The following EFNA5 variants were observed in gnomAD, a reference collection of about 807,000 sequenced individuals.
EFNA5 encodes the protein ephrin A5.
A neutral mutation model predicts 22.9 loss-of-function variants in EFNA5; 5 were observed. That is an observed-to-expected ratio of 0.22 (90% CI 0.11 to 0.46). EFNA5 has a LOEUF of 0.46. Among genes scored for constraint, EFNA5 ranks in the 20% least tolerant of loss-of-function variants. The pLI is 0.99. For missense variants in EFNA5, 237 were observed against 293.3 expected, an observed-to-expected ratio of 0.81 and a Z score of 1.40; for synonymous variants, 113 against 112.2, an observed-to-expected ratio of 1.01 and a Z score of -0.04.
intron 1 of EFNA5, among the ~76,000 whole-genome samples, chr5:107,464,462 C>T (rs1469878609): frequency 6.6e-6 from 1 of 152,092 alleles, no homozygotes; most frequent in Non-Finnish European, 1.5e-5. Flanking sequence ...TTGTGTACAT[C>T]CTCGGGGAGC....
chr5:107,462,723 C>A (rs993037903), intron 1 of EFNA5, among the ~76,000 whole-genome samples: 1 of 152,144 alleles, frequency 6.6e-6, no homozygotes, highest in African/African-American at 2.4e-5. Flanking sequence ...AATGCCTGTT[C>A]CCCAAGATGG....
intron 1 of EFNA5, among the ~76,000 whole-genome samples, chr5:107,485,530 T>C (rs142866216): frequency 6.6e-6 from 1 of 152,324 alleles, no homozygotes; most frequent in East Asian, 1.9e-4. Context: ...GAATTGGTCC[T>C]TGAGAAAGAG....
chr5:107,628,992 G>C (rs145347666), intron 1 of EFNA5, among the ~76,000 whole-genome samples: 389 of 152,010 alleles, frequency 2.6e-3, no homozygotes, highest in Non-Finnish European at 4.8e-3. Flanking sequence ...TAGTTTCTTC[G>C]GCATCCTAAG....
intron 1 of EFNA5, among the ~76,000 whole-genome samples, chr5:107,465,133 G>A (rs1347836643): frequency 6.6e-6 from 1 of 151,386 alleles, no homozygotes; most frequent in Non-Finnish European, 1.5e-5. Context: ...TAGGCCAATG[G>A]TTACCAACAG....
At chr5:107,457,273 A>T (rs986331581) in intron 1 of EFNA5, among the ~76,000 whole-genome samples, 4 of 152,128 alleles carry the variant, frequency 2.6e-5, no homozygotes, top group Non-Finnish European at 5.9e-5. Flanking sequence ...AGTTCGTGTT[A>T]ATACTGCACT....
intron 1 of EFNA5, among the ~76,000 whole-genome samples, chr5:107,524,268 A>T (rs1203775570): frequency 2.0e-5 from 3 of 152,212 alleles, no homozygotes; most frequent in African/African-American, 7.2e-5. Context: ...ACTGGAAGTA[A>T]CATAAAGCCA....
At chr5:107,647,290 A>T (rs912249491) in intron 1 of EFNA5, among the ~76,000 whole-genome samples, 1 of 152,156 alleles carries the variant, frequency 6.6e-6, no homozygotes, top group Admixed American at 6.6e-5. Context: ...CACTTTCTTC[A>T]GCATCTCACA....
chr5:107,549,485 C>T (rs1045609681), intron 1 of EFNA5, among the ~76,000 whole-genome samples: 4 of 152,192 alleles, frequency 2.6e-5, no homozygotes, highest in African/African-American at 9.7e-5. Context: ...TGTTAGTCCC[C>T]TCGAACAGAC....
chr5:107,494,228 G>C (rs1321325507), intron 1 of EFNA5, among the ~76,000 whole-genome samples: 2 of 152,154 alleles, frequency 1.3e-5, no homozygotes, highest in Non-Finnish European at 2.9e-5. Context: ...CGCTCCCTCA[G>C]CTTGCAGGGA....
chr5:107,669,686 G>A (rs1751146228), intron 1 of EFNA5, among the ~76,000 whole-genome samples: 1 of 152,108 alleles, frequency 6.6e-6, no homozygotes, highest in South Asian at 2.1e-4. Flanking sequence ...AGGTAATCGC[G>A]CGCGTTCCTC....
At chr5:107,470,016 T>A (rs748197753) in intron 1 of EFNA5, among the ~76,000 whole-genome samples, 95 of 152,178 alleles carry the variant, frequency 6.2e-4, no homozygotes, top group Non-Finnish European at 1.1e-3. Flanking sequence ...ATAACTGTAT[T>A]CCACAAAGGG....
At chr5:107,514,763 CTA>C (rs770137074) in intron 1 of EFNA5, among the ~76,000 whole-genome samples, 2 of 152,292 alleles carry the variant, frequency 1.3e-5, no homozygotes, top group South Asian at 2.1e-4. Context: ...TACAAGGATT[CTA>C]TGAGGTCCTA....
intron 1 of EFNA5, among the ~76,000 whole-genome samples, chr5:107,463,181 A>G (rs1399053306): frequency 6.6e-6 from 1 of 152,174 alleles, no homozygotes; most frequent in East Asian, 1.9e-4. Context: ...AAAGATTTTG[A>G]GGTAATTCAG....
chr5:107,598,203 A>C (rs1195939559), intron 1 of EFNA5, among the ~76,000 whole-genome samples: 1 of 152,136 alleles, frequency 6.6e-6, no homozygotes, highest in Non-Finnish European at 1.5e-5. Context: ...TCTCAGTAAC[A>C]AAGAGGAAAA....
At chr5:107,482,868 C>CTATATATA (rs1491566387) in intron 1 of EFNA5, among the ~76,000 whole-genome samples, 5 of 42,914 alleles carry the variant, frequency 1.2e-4, no homozygotes, top group African/African-American at 3.7e-4. Context: ...CTCTCTCTCT[C>CTATATATA]TCTATATATA....
chr5:107,594,626 C>A (rs1749438482), intron 1 of EFNA5, among the ~76,000 whole-genome samples: 1 of 152,168 alleles, frequency 6.6e-6, no homozygotes, highest in African/African-American at 2.4e-5. Flanking sequence ...AAATTTTACT[C>A]AGTTGGTGGT....
At chr5:107,480,607 A>G (rs1202832753) in intron 1 of EFNA5, among the ~76,000 whole-genome samples, 5 of 152,192 alleles carry the variant, frequency 3.3e-5, no homozygotes. Context: ...TATCCAATAC[A>G]CCAATTACGT....
At chr5:107,591,550 C>T (rs763354024) in intron 1 of EFNA5, among the ~76,000 whole-genome samples, 13 of 151,702 alleles carry the variant, frequency 8.6e-5, no homozygotes, top group Non-Finnish European at 1.2e-4. Flanking sequence ...AGGCCGGGTG[C>T]AGTGGCTCAC....
At chr5:107,439,921 G>A (rs1411556954) in intron 1 of EFNA5, among the ~76,000 whole-genome samples, 3 of 152,184 alleles carry the variant, frequency 2.0e-5, no homozygotes, top group East Asian at 1.9e-4. Flanking sequence ...AAGAAACCAC[G>A]AGGTACTTTG....
Sources: allele counts gnomAD v4.1 joint callset (sites outside exome capture counted in the v4.1 genomes callset), GRCh38; gene constraint gnomAD v4.1.1; transcripts MANE v1.5; gene names NCBI Gene and HGNC (gene_info 2026-07-23, HGNC 2026-07-21).